TANGO6: variants seen among roughly 807,000 people sequenced by gnomAD.
The protein encoded by TANGO6 is transport and Golgi organization protein 6 homolog.
In TANGO6, 90 loss-of-function variants were observed where a neutral mutation model predicts 114.2. That is an observed-to-expected ratio of 0.79 (90% CI 0.66 to 0.94). TANGO6 has a LOEUF of 0.94. Ranked by LOEUF, TANGO6 falls within the 40% of genes least tolerant of loss-of-function variation. TANGO6 has a pLI of 0.00. For missense variants in TANGO6, 1,274 were observed against 1,315.3 expected (o/e 0.97, Z 0.49); for synonymous variants, 477 against 509.8 (o/e 0.94, Z 0.87).
At chr16:68,983,982 G>A (rs185035807) in intron 15 of TANGO6, among the ~76,000 whole-genome samples, 180 of 150,628 alleles carry the variant, frequency 1.2e-3, no homozygotes, top group Non-Finnish European at 1.9e-3. Flanking sequence ...GCAGTGAGCC[G>A]AGATCACGCC....
chr16:68,869,514 A>G (rs143163821), intron 4 of TANGO6, among the ~76,000 whole-genome samples: 59 of 152,308 alleles, frequency 3.9e-4, no homozygotes, highest in Non-Finnish European at 6.9e-4. Flanking sequence ...CAGATATTCT[A>G]TCAGTTTTAT....
In TANGO6 at chr16:69,069,592, C is replaced by T. The variant is rs936212417; in HGVS notation, c.3109-13893C>T. 5.3e-5 allele frequency among the ~76,000 whole-genome samples: 8 copies of T among 152,252 alleles called. No individual in the cohort carries two copies. In the East Asian group the frequency reaches 1.5e-3, roughly 29 times the overall value. On this transcript the variant is annotated intron_variant, in intron 17 of 17. Transcript: ENST00000261778. ...CCACCAGCTCCAGTTCACCTCTTTC[C>T]CCTGTCTTCACCTGTCTTATTATTT...
chr16:69,061,424 T>C (rs761326632), intron 17 of TANGO6, among the ~76,000 whole-genome samples: 36 of 151,374 alleles, frequency 2.4e-4, no homozygotes, highest in Non-Finnish European at 4.9e-4. Context: ...ATTAGCGGGG[T>C]GTGGTGGCAT....
chr16:68,867,242 T>G, intron 4 of TANGO6, 22 bp downstream of exon 4: 1 of 1,613,452 alleles, frequency 6.2e-7, no homozygotes, highest in Non-Finnish European at 8.5e-7. Flanking sequence ...AATGTTGCTG[T>G]GACTTTGGTA....
At chr16:68,905,716 T>C (rs1962841169) in intron 9 of TANGO6, among the ~76,000 whole-genome samples, 1 of 151,500 alleles carries the variant, frequency 6.6e-6, no homozygotes, top group Non-Finnish European at 1.5e-5. Context: ...TACAAAAAAA[T>C]ACAAAAATTA....
chr16:68,968,627 A>C (rs555572131), intron 14 of TANGO6, among the ~76,000 whole-genome samples: 68 of 150,922 alleles, frequency 4.5e-4, no homozygotes, highest in African/African-American at 1.6e-3. Context: ...GGCCTCTCAA[A>C]GTGCTGGGAT....
At chr16:68,899,887 C>G (rs888090825) in intron 7 of TANGO6, among the ~76,000 whole-genome samples, 1 of 152,160 alleles carries the variant, frequency 6.6e-6, no homozygotes, top group Admixed American at 6.6e-5. Flanking sequence ...ACATGAGCCA[C>G]TGTGCCCAGC....
At position 68,903,547 on chromosome 16, in the gene TANGO6, GGTGGAA is replaced by G. The variant is rs1311183397; in HGVS notation, c.1667+1046_1667+1051del. ...GGCAAAAGAATTGCTTGAATCAGGAGGTGGAAGTTACAGTGAGCTGGGATCGTACCA... is the reference window on the plus strand; with the variant it reads ...GGCAAAAGAATTGCTTGAATCAGGAGGTTACAGTGAGCTGGGATCGTACCA... On this transcript the variant is annotated intron_variant, in intron 9 of 17. Transcript: ENST00000261778. Among the ~76,000 whole-genome samples the G allele has an allele frequency of 2.7e-5, 4 of 150,120 alleles. No individual in the cohort carries two copies. In the Admixed American group the frequency reaches 2.7e-4, roughly 10 times the overall value.
chr16:69,044,300 A>G (rs532810629), intron 17 of TANGO6, among the ~76,000 whole-genome samples: 131 of 152,236 alleles, frequency 8.6e-4, no homozygotes, highest in Non-Finnish European at 1.7e-3. Flanking sequence ...CGTGACCTCA[A>G]CTGAGCCACT....
chr16:68,967,357 C>T (rs1039143444), intron 14 of TANGO6, among the ~76,000 whole-genome samples: 2 of 152,144 alleles, frequency 1.3e-5, no homozygotes, highest in African/African-American at 4.8e-5. Flanking sequence ...TCCGTTGCCT[C>T]CAATGATCTG....
intron 15 of TANGO6, among the ~76,000 whole-genome samples, chr16:69,020,600 T>C (rs1959384374): frequency 6.6e-6 from 1 of 152,154 alleles, no homozygotes; most frequent in African/African-American, 2.4e-5. Flanking sequence ...TTTATCAATA[T>C]AGGTCATCAT....
At chr16:69,039,666 G>A (rs948942656) in intron 16 of TANGO6, among the ~76,000 whole-genome samples, 4 of 152,222 alleles carry the variant, frequency 2.6e-5, no homozygotes, top group East Asian at 1.9e-4. Flanking sequence ...GAAAAAATAC[G>A]TAAAGTAATT....
chr16:68,953,546 TA>T (rs1177178491), intron 14 of TANGO6, among the ~76,000 whole-genome samples: 1 of 152,120 alleles, frequency 6.6e-6, no homozygotes, highest in Non-Finnish European at 1.5e-5. Flanking sequence ...GTGCTCTAAA[TA>T]AAAGGTACAT....
intron 14 of TANGO6, among the ~76,000 whole-genome samples, chr16:68,970,685 A>G (rs867744199): frequency 1.5e-3 from 207 of 142,546 alleles, no homozygotes; most frequent in African/African-American, 4.8e-3. Flanking sequence ...AAAAAAAAAA[A>G]GACTATGTTA....
In TANGO6 at chr16:69,042,571, A is replaced by G. The variant is rs1959790837; in HGVS notation, c.3108+2150A>G. On this transcript the variant is annotated intron_variant, in intron 17 of 17. Transcript: ENST00000261778. ...CAAAAAACAAACAAAAAACTTCTGT[A>G]GGGACAGACTTGCTCATTAACTTGG... Among the ~76,000 whole-genome samples the G allele has an allele frequency of 3.3e-5, 5 of 152,272 alleles. No individual in the cohort carries two copies. The South Asian group carries it at 8.3e-4, about 25-fold the overall frequency.
intron 11 of TANGO6, among the ~76,000 whole-genome samples, chr16:68,918,328 CAG>C: frequency 6.6e-6 from 1 of 152,274 alleles, no homozygotes; most frequent in Non-Finnish European, 1.5e-5. Flanking sequence ...ATTCTCTTGA[CAG>C]TGTCTTTCGC....
rs151163329 is a variant in TANGO6 at position 69,012,354 on chromosome 16, C to T, written c.2843-10474C>T. Reference sequence around the variant, plus strand: ...GTCGGATCACCTGAGGTTGGGAGTTCGAGACCAGCCTGACCAACGTGGAGA... The same window carrying T: ...GTCGGATCACCTGAGGTTGGGAGTTTGAGACCAGCCTGACCAACGTGGAGA... On this transcript the variant is annotated intron_variant, in intron 15 of 17. Transcript: ENST00000261778. Among the ~76,000 whole-genome samples the T allele has an allele frequency of 6.5e-3, 990 of 151,906 alleles. 19 individuals are homozygous for T. The highest frequency in any genetic ancestry group is 0.039 in the Admixed American group (601 of 15,254).
At chr16:68,862,674 T>C (rs2152158683) in intron 2 of TANGO6, among the ~76,000 whole-genome samples, 1 of 152,270 alleles carries the variant, frequency 6.6e-6, no homozygotes, top group African/African-American at 2.4e-5. Flanking sequence ...AGCTGAGAGA[T>C]GCTTGCCAAA....
At chr16:68,919,637 A>G (rs1345612897) in intron 12 of TANGO6, among the ~76,000 whole-genome samples, 1 of 152,252 alleles carries the variant, frequency 6.6e-6, no homozygotes, top group African/African-American at 2.4e-5. Context: ...CACAGGATTC[A>G]TTCTTCATCC....
Sources: gnomAD v4.1 joint callset for allele counts (sites outside exome capture counted in the v4.1 genomes callset) on GRCh38, gnomAD v4.1.1 for gene constraint, MANE v1.5 for transcripts, NCBI Gene and HGNC (gene_info 2026-07-23, HGNC 2026-07-21) for gene names.